Variants in ADGRB3 observed in about 807,000 individuals in gnomAD.
ADGRB3 encodes the protein adhesion G protein-coupled receptor B3.
In ADGRB3, 37 loss-of-function variants were observed where a neutral mutation model predicts 193.4. That is an observed-to-expected ratio of 0.19 (90% CI 0.15 to 0.25). ADGRB3 has a LOEUF of 0.25. Ranked by LOEUF, ADGRB3 falls within the 10% of genes least tolerant of loss-of-function variation. ADGRB3 has a pLI of 1.00. For missense variants in ADGRB3, 1,637 were observed against 1,852.9 expected (o/e 0.88, Z 2.14); for synonymous variants, 690 against 644.2 (o/e 1.07, Z -1.08).
chr6:68,776,722 CA>C, intron 3 of ADGRB3, among the ~76,000 whole-genome samples: 1 of 152,148 alleles, frequency 6.6e-6, no homozygotes, highest in South Asian at 2.1e-4. Flanking sequence ...GGAAAGTAAA[CA>C]AATCTAAGAA....
intron 17 of ADGRB3, among the ~76,000 whole-genome samples, chr6:69,097,178 C>T (rs1016543962): frequency 6.6e-5 from 10 of 152,186 alleles, no homozygotes; most frequent in Non-Finnish European, 1.2e-4. Context: ...TGCCACTTAT[C>T]ACATCATGAG....
At chr6:68,891,441 T>A (rs1321360552) in intron 3 of ADGRB3, among the ~76,000 whole-genome samples, 1 of 152,226 alleles carries the variant, frequency 6.6e-6, no homozygotes, top group East Asian at 1.9e-4. Flanking sequence ...TGGTCTGGAA[T>A]GAATTTTATT....
At chr6:68,964,664 C>T (rs1464547089) in intron 8 of ADGRB3, among the ~76,000 whole-genome samples, 4 of 152,054 alleles carry the variant, frequency 2.6e-5, no homozygotes, top group Admixed American at 2.0e-4. Flanking sequence ...TTTTAATTAA[C>T]TTTGTTATCA....
intron 30 of ADGRB3, among the ~76,000 whole-genome samples, chr6:69,375,377 G>A (rs1304586526): frequency 6.6e-6 from 1 of 152,136 alleles, no homozygotes; most frequent in South Asian, 2.1e-4. Flanking sequence ...TCCTGGAGGT[G>A]GTAGGAAGAG....
chr6:68,742,530 A>T (rs1339455678), intron 3 of ADGRB3, among the ~76,000 whole-genome samples: 1 of 152,166 alleles, frequency 6.6e-6, no homozygotes, highest in Non-Finnish European at 1.5e-5. Context: ...TTAGAAATTG[A>T]AACCTGACTC....
At chr6:68,677,521 C>CTTTTTTTTTTTT (rs1002070733) in intron 3 of ADGRB3, among the ~76,000 whole-genome samples, 3 of 120,330 alleles carry the variant, frequency 2.5e-5, no homozygotes, top group Admixed American at 9.2e-5. Context: ...TTCTTTTTTT[C>CTTTTTTTTTTTT]TTTTTTTTTT....
chr6:69,118,452 A>T (rs117826080), intron 17 of ADGRB3, among the ~76,000 whole-genome samples: 45,423 of 148,952 alleles, frequency 0.3, 9,169 homozygotes, highest in East Asian at 0.94. Flanking sequence ...ACCAGAGTAA[A>T]GGCCCAGGTA....
intron 26 of ADGRB3, among the ~76,000 whole-genome samples, chr6:69,343,141 ATTTTTTTTAT>A (rs1270830404): frequency 1.1e-4 from 16 of 147,090 alleles, no homozygotes; most frequent in Non-Finnish European, 1.9e-4. Flanking sequence ...AATTTATTTT[ATTTTTTTTAT>A]TTTTTTTTAT....
At chr6:69,167,413 GA>G (rs1476136565) in intron 17 of ADGRB3, among the ~76,000 whole-genome samples, 1 of 151,974 alleles carries the variant, frequency 6.6e-6, no homozygotes, top group East Asian at 1.9e-4. Flanking sequence ...GATATACATG[GA>G]AAAAAACTGT....
intron 17 of ADGRB3, among the ~76,000 whole-genome samples, chr6:69,130,447 A>G (rs2150333815): frequency 6.6e-6 from 1 of 151,204 alleles, no homozygotes. Context: ...GCCCCCATGC[A>G]ATTATCCCTC....
intron 28 of ADGRB3, among the ~76,000 whole-genome samples, chr6:69,359,793 C>T (rs1356906124): frequency 4.6e-5 from 7 of 151,764 alleles, no homozygotes; most frequent in Admixed American, 4.6e-4. Context: ...AGGTTAGCAC[C>T]AGATGTGCAT....
chr6:69,354,823 A>G (rs1366185629), intron 27 of ADGRB3, among the ~76,000 whole-genome samples: 2 of 152,164 alleles, frequency 1.3e-5, no homozygotes, highest in African/African-American at 4.8e-5. Flanking sequence ...TGTAAGGAGT[A>G]GCCACTCTTT....
At chr6:69,038,288 T>G (rs1770933975) in intron 13 of ADGRB3, among the ~76,000 whole-genome samples, 1 of 151,942 alleles carries the variant, frequency 6.6e-6, no homozygotes, top group South Asian at 2.1e-4. Flanking sequence ...TAATAAGGTT[T>G]GAACAACCTT....
chr6:68,677,725 G>A lies in ADGRB3; in HGVS notation c.757+38293G>A, dbSNP rs947307426. 2.6e-5 allele frequency among the ~76,000 whole-genome samples: 4 copies of A among 151,702 alleles called. No individual in the cohort carries two copies. The South Asian group carries it at 6.2e-4, about 24-fold the overall frequency. On this transcript the variant is annotated intron_variant, in intron 3 of 31. Transcript: ENST00000370598. ...GCAGAGAAGGAGTTTCACCATGTTG[G>A]TCAGGCTGGTCTCAAACTCCTGATC...
chr6:68,655,433 G>A (rs1235458505), intron 3 of ADGRB3, among the ~76,000 whole-genome samples: 1 of 151,622 alleles, frequency 6.6e-6, no homozygotes, highest in Non-Finnish European at 1.5e-5. Flanking sequence ...CTCAATAAAT[G>A]TTAAATTCCA....
intron 3 of ADGRB3, among the ~76,000 whole-genome samples, chr6:68,844,771 G>A (rs1195545833): frequency 6.6e-6 from 1 of 152,118 alleles, no homozygotes; most frequent in East Asian, 1.9e-4. Context: ...TGCACAAAAT[G>A]GAGTATTATT....
intron 3 of ADGRB3, among the ~76,000 whole-genome samples, chr6:68,651,683 C>T (rs1031035189): frequency 6.6e-6 from 1 of 151,998 alleles, no homozygotes; most frequent in African/African-American, 2.4e-5. Flanking sequence ...AGCAGTGGAA[C>T]CTTTTTTTCT....
chr6:69,200,624 G>A (rs2150357724), intron 17 of ADGRB3, among the ~76,000 whole-genome samples: 1 of 152,178 alleles, frequency 6.6e-6, no homozygotes, highest in Middle Eastern at 3.4e-3. Flanking sequence ...GAGAATCTAA[G>A]CATCTGATGG....
At chr6:69,075,392 G>C (rs1233346068) in intron 16 of ADGRB3, among the ~76,000 whole-genome samples, 1 of 152,196 alleles carries the variant, frequency 6.6e-6, no homozygotes, top group East Asian at 1.9e-4. Context: ...GGTCACGGCA[G>C]GTACTCAATT....
Sources: gnomAD v4.1 joint callset for allele counts (sites outside exome capture counted in the v4.1 genomes callset) on GRCh38, gnomAD v4.1.1 for gene constraint, MANE v1.5 for transcripts, NCBI Gene and HGNC (gene_info 2026-07-23, HGNC 2026-07-21) for gene names.